The following GRHL2 variants were observed in gnomAD, a reference collection of about 807,000 sequenced individuals.
GRHL2 encodes grainyhead like transcription factor 2.
A neutral mutation model predicts 83.8 loss-of-function variants in GRHL2; 21 were observed. The ratio of observed to expected loss-of-function variants is 0.25; its 90% CI spans 0.18 to 0.36. GRHL2 has a LOEUF of 0.36. Among genes scored for constraint, GRHL2 ranks in the 10% least tolerant of loss-of-function variants. The pLI is 1.00. For missense variants in GRHL2, 623 were observed against 781.8 expected (o/e 0.80, Z 2.42); for synonymous variants, 280 against 278.9 (o/e 1.00, Z -0.04).
rs1349111238 is a variant in GRHL2, at chr8:101,668,289, A to C, written c.*1586A>C. On this transcript the variant is annotated 3_prime_UTR_variant, in exon 16 of 16. Transcript: ENST00000646743. ...CATCCTGCACCCAAAGGTTCTCTAC[A>C]AAGGCCCAGATTTGTTTGTAAAGCA... 2 of 152,630 alleles carry C rather than the reference A, an allele frequency of 1.3e-5. No homozygotes were observed. Among genetic ancestry groups the C allele is most frequent in the Non-Finnish European group, 2.9e-5 (2 of 68,056 alleles). The allele number at this position is 152,630 out of a possible 1,614,324, so 9.5% of individuals were successfully genotyped here. A position where few individuals can be genotyped will look rare whatever the true frequency, so the allele number is the denominator to read the frequency against.
intron 9 of GRHL2, 101 bp downstream of exon 9, chr8:101,619,798 A>G (rs1812928152): frequency 2.3e-6 from 2 of 875,552 alleles, no homozygotes; most frequent in Non-Finnish European, 3.7e-6. Flanking sequence ...AGTGGTGTCA[A>G]AATATTCACT....
intron 12 of GRHL2, among the ~76,000 whole-genome samples, chr8:101,640,482 C>T (rs114262803): frequency 0.01 from 1,535 of 152,226 alleles, 17 homozygotes; most frequent in African/African-American, 0.034. Flanking sequence ...TTATGGATGT[C>T]TCTTATGGAG....
chr8:101,655,146 C>T (rs983392826), intron 14 of GRHL2, among the ~76,000 whole-genome samples: 2 of 150,958 alleles, frequency 1.3e-5, no homozygotes, highest in Admixed American at 6.6e-5. Context: ...TGCGCCATTG[C>T]ACTCCAGCCT....
intron 7 of GRHL2, among the ~76,000 whole-genome samples, chr8:101,584,910 G>C (rs1812131853): frequency 1.3e-5 from 2 of 152,118 alleles, no homozygotes; most frequent in Admixed American, 1.3e-4. Context: ...CAAGTGGCCA[G>C]GTAGCTAGGT....
intron 1 of GRHL2, among the ~76,000 whole-genome samples, chr8:101,517,300 T>C (rs966637952): frequency 1.3e-5 from 2 of 152,132 alleles, no homozygotes; most frequent in Middle Eastern, 3.2e-3. Flanking sequence ...TGCATTTATC[T>C]CCCATTTTGT....
chr8:101,568,102 TA>T (rs1422710773), intron 4 of GRHL2, among the ~76,000 whole-genome samples: 2 of 152,244 alleles, frequency 1.3e-5, no homozygotes, highest in Admixed American at 1.3e-4. Context: ...AAATTTTTTT[TA>T]ATACTATCCA....
intron 2 of GRHL2, among the ~76,000 whole-genome samples, chr8:101,546,906 T>C (rs980286391): frequency 1.5e-4 from 23 of 152,226 alleles, no homozygotes; most frequent in Non-Finnish European, 3.1e-4. Context: ...GTAGGGAGTT[T>C]ACATAAAACT....
chr8:101,508,832 C>T (rs1401922567), intron 1 of GRHL2, among the ~76,000 whole-genome samples: 2 of 151,922 alleles, frequency 1.3e-5, no homozygotes, highest in Non-Finnish European at 2.9e-5. Flanking sequence ...ATGCAGAGAC[C>T]CCAAAGATGA....
Position 101,666,717 on chromosome 8 carries a change from A to G in GRHL2, c.*14A>G, listed in dbSNP as rs752534221. The G allele has an allele frequency of 1.3e-6, 2 of 1,535,244 alleles. No individual in the cohort carries two copies. Reference sequence around the variant, plus strand: ...ATGGAAATCTAGCCCTGGGTTTGGCATCCGCTTTGGCTGGAGCTCTCAGTG... The same window carrying G: ...ATGGAAATCTAGCCCTGGGTTTGGCGTCCGCTTTGGCTGGAGCTCTCAGTG... On this transcript the variant is annotated 3_prime_UTR_variant, in exon 16 of 16. Coordinates refer to ENST00000646743, the MANE Select transcript of GRHL2 (RefSeq NM_024915.4).
Position 101,543,195 on chromosome 8 carries a change from T to A in GRHL2, c.21-46T>A, listed in dbSNP as rs1052546011. The A allele has an allele frequency of 6.2e-6, 9 of 1,458,618 alleles. No individual in the cohort carries two copies. In the Admixed American group the frequency reaches 6.7e-5, roughly 11 times the overall value. 90.4% of individuals were successfully genotyped at this position (1,458,618 alleles called of 1,614,324 possible). On this transcript the variant is annotated intron_variant, in intron 1 of 15. Coordinates refer to ENST00000646743, the MANE Select transcript of GRHL2 (RefSeq NM_024915.4). ...TATGTATATTATTAGGGGTAAAAAA[T>A]TTGCTCTCTCTGAAAATGAACCTCA...
intron 14 of GRHL2, among the ~76,000 whole-genome samples, chr8:101,660,276 C>T (rs1813892922): frequency 6.6e-6 from 1 of 150,554 alleles, no homozygotes; most frequent in South Asian, 2.1e-4. Flanking sequence ...ATCATATATC[C>T]ATTCATATCC....
At chr8:101,574,261 G>T (rs532621148) in intron 6 of GRHL2, among the ~76,000 whole-genome samples, 9 of 152,310 alleles carry the variant, frequency 5.9e-5, no homozygotes, top group African/African-American at 2.2e-4. Flanking sequence ...AAAGCCTTCT[G>T]CAGCCCAGGG....
intron 1 of GRHL2, among the ~76,000 whole-genome samples, chr8:101,513,740 C>T (rs1440312993): frequency 6.6e-6 from 1 of 152,046 alleles, no homozygotes; most frequent in Non-Finnish European, 1.5e-5. Context: ...AGGTGATCTT[C>T]CCACCTTGGC....
chr8:101,670,939 T>G (rs547794606), downstream of GRHL2, among the ~76,000 whole-genome samples: 2 of 152,232 alleles, frequency 1.3e-5, no homozygotes, highest in East Asian at 3.9e-4. Context: ...AGGATAGTGA[T>G]CTGGAAACTT....
intron 9 of GRHL2, among the ~76,000 whole-genome samples, chr8:101,631,153 T>G (rs1362580871): frequency 6.6e-6 from 1 of 152,214 alleles, no homozygotes. Context: ...TATGGCTTCT[T>G]TCATTTCCAC....
At chr8:101,647,342 G>A (rs1376368880) in intron 13 of GRHL2, among the ~76,000 whole-genome samples, 3 of 152,182 alleles carry the variant, frequency 2.0e-5, no homozygotes, top group East Asian at 3.8e-4. Context: ...TCCAGTCTGG[G>A]TGACAGCGAG....
Position 101,543,352 on chromosome 8 carries a change from G to T in GRHL2, c.132G>T (p.Leu44=). 6.2e-7 allele frequency: 1 copy of T among 1,614,140 alleles called. No homozygotes were observed. Among genetic ancestry groups the T allele is most frequent in the Non-Finnish European group, 8.5e-7 (1 of 1,179,992 alleles). Reference sequence around the variant, plus strand: ...GGAAGTCATACTTGGAGAATCCCCTGACAGCAGCCACCAAGGCCATGATGA... The same window carrying T: ...GGAAGTCATACTTGGAGAATCCCCTTACAGCAGCCACCAAGGCCATGATGA... ...EAWKSYLENP[L]TAATKAMMSI... Residue 44 remains leucine (L), a synonymous_variant, in exon 2 of 16, where the codon CTG becomes CTT. Coordinates refer to ENST00000646743, the MANE Select transcript of GRHL2 (RefSeq NM_024915.4).
In GRHL2 at chr8:101,667,537, C is replaced by T. The variant is rs1814098370; in HGVS notation, c.*834C>T. On this transcript the variant is annotated 3_prime_UTR_variant, in exon 16 of 16. Transcript: ENST00000646743. ...TGACTGCAGCTGATGCCAAGATGGA[C>T]TCTGCAATGGGCATACCTGGGGGCT... The T allele has an allele frequency of 6.6e-6, 1 of 152,616 alleles. No homozygotes were observed. Among genetic ancestry groups the T allele is most frequent in the Non-Finnish European group, 1.5e-5 (1 of 68,128 alleles). The allele number at this position is 152,616 out of a possible 1,614,324, so 9.5% of individuals were successfully genotyped here. A position where few individuals can be genotyped will look rare whatever the true frequency, so the allele number is the denominator to read the frequency against.
chr8:101,637,108 T>C (rs999546899), intron 12 of GRHL2, among the ~76,000 whole-genome samples, 180 bp downstream of exon 12: 1 of 152,104 alleles, frequency 6.6e-6, no homozygotes, highest in African/African-American at 2.4e-5. Flanking sequence ...GCTGGAGGAA[T>C]GAATAGCTTT....
Sources: gnomAD v4.1 joint callset for allele counts (sites outside exome capture counted in the v4.1 genomes callset) on GRCh38, gnomAD v4.1.1 for gene constraint, MANE v1.5 for transcripts, NCBI Gene and HGNC (gene_info 2026-07-23, HGNC 2026-07-21) for gene names.